Variants in NDUFAF6 observed in about 807,000 individuals in gnomAD.
NDUFAF6 encodes the protein NADH dehydrogenase (ubiquinone) complex I, assembly factor 6.
Under a neutral mutation model 40.8 loss-of-function variants are expected in NDUFAF6, and 45 were observed. That is an observed-to-expected ratio of 1.10 (90% CI 0.87 to 1.42). The LOEUF is 1.42. Ranked by LOEUF, NDUFAF6 falls within the 40% of genes most tolerant of loss-of-function variation. The pLI is 0.00. For missense variants in NDUFAF6, 435 were observed against 418.5 expected (o/e 1.04, Z -0.34); for synonymous variants, 185 against 155.9 (o/e 1.19, Z -1.39).
At chr8:95,007,534 C>T (rs954519588) in intron 2 of NDUFAF6, among the ~76,000 whole-genome samples, 11 of 151,886 alleles carry the variant, frequency 7.2e-5, no homozygotes, top group African/African-American at 2.7e-4. Context: ...CATAGTGGTG[C>T]AAGCCTGTAG....
At chr8:95,094,122 C>A (rs1215898619) in intron 2 of NDUFAF6, among the ~76,000 whole-genome samples, 1 of 152,128 alleles carries the variant, frequency 6.6e-6, no homozygotes, top group Non-Finnish European at 1.5e-5. Flanking sequence ...AGGCATGCAC[C>A]ACCACGCTTG....
chr8:95,079,567 A>T (rs1429258549), downstream of NDUFAF6, among the ~76,000 whole-genome samples: 2 of 152,344 alleles, frequency 1.3e-5, no homozygotes, highest in Middle Eastern at 3.4e-3. Flanking sequence ...TTTGAAAACC[A>T]TTGAACTAAA....
At chr8:95,054,376 C>T (rs1316506376) in intron 8 of NDUFAF6, among the ~76,000 whole-genome samples, 5 of 151,800 alleles carry the variant, frequency 3.3e-5, no homozygotes, top group African/African-American at 1.2e-4. Flanking sequence ...AGATCTTGGG[C>T]TCCCTCACAG....
chr8:94,938,745 T>C (rs1368119523), intron 1 of NDUFAF6, among the ~76,000 whole-genome samples: 2 of 152,258 alleles, frequency 1.3e-5, no homozygotes, highest in African/African-American at 4.8e-5. Flanking sequence ...CCTTGCCTTA[T>C]GCATCCCTTC....
At chr8:95,048,428 C>A in intron 6 of NDUFAF6, 29 bp from the exon 7 acceptor site, 1 of 1,513,754 alleles carries the variant, frequency 6.6e-7, no homozygotes, top group South Asian at 1.1e-5. Context: ...CTTTTAGGTT[C>A]CTAATATAAT....
At chr8:94,962,189 G>A (rs1402214873) in intron 1 of NDUFAF6, among the ~76,000 whole-genome samples, 1 of 152,218 alleles carries the variant, frequency 6.6e-6, no homozygotes, top group Non-Finnish European at 1.5e-5. Flanking sequence ...GGTACACAAT[G>A]CTCAGAGGCA....
intron 1 of NDUFAF6, among the ~76,000 whole-genome samples, chr8:94,972,387 G>A (rs1442129495): frequency 3.3e-5 from 5 of 151,986 alleles, no homozygotes; most frequent in Admixed American, 2.6e-4. Context: ...GATTACAGGC[G>A]TGCGCCACAC....
chr8:95,045,568 A>C lies in NDUFAF6; in HGVS notation c.501A>C (p.Ala167=). The C allele has an allele frequency of 4.3e-6, 7 of 1,613,386 alleles. No homozygotes were observed. The highest frequency in any genetic ancestry group is 5.9e-6 in the Non-Finnish European group (7 of 1,179,564). The change falls in exon 5 of 9, where the codon GCA becomes GCC. Residue 167 remains alanine (A), a synonymous_variant. Coordinates refer to ENST00000396124, the MANE Select transcript of NDUFAF6 (RefSeq NM_152416.4). ...AGGAAAAAAATCTGGATGACAAAGCATATCGTAATATCAAGGAACTGGAAA... is the reference window on the plus strand; with the variant it reads ...AGGAAAAAAATCTGGATGACAAAGCCTATCGTAATATCAAGGAACTGGAAA... ...DEREKNLDDK[A]YRNIKELENY...
intron 1 of NDUFAF6, among the ~76,000 whole-genome samples, chr8:94,944,616 G>C (rs948298393): frequency 1.3e-5 from 2 of 152,192 alleles, no homozygotes; most frequent in African/African-American, 4.8e-5. Context: ...AGCCAAGTGA[G>C]GGAGGAGCTC....
At chr8:94,968,657 T>A (rs1039761952) in intron 1 of NDUFAF6, among the ~76,000 whole-genome samples, 1 of 152,154 alleles carries the variant, frequency 6.6e-6, no homozygotes, top group African/African-American at 2.4e-5. Flanking sequence ...TGGTAGAGAC[T>A]TTCCTGGAAG....
chr8:94,934,521 G>T (rs989039458), intron 1 of NDUFAF6, among the ~76,000 whole-genome samples: 1 of 151,788 alleles, frequency 6.6e-6, no homozygotes, highest in Non-Finnish European at 1.5e-5. Context: ...TAGTAGCTGG[G>T]AGTACAGGCG....
intron 2 of NDUFAF6, among the ~76,000 whole-genome samples, chr8:95,032,422 A>T (rs1355103069): frequency 6.6e-6 from 1 of 152,198 alleles, no homozygotes; most frequent in Non-Finnish European, 1.5e-5. Context: ...CTTTCCAACA[A>T]TTGCATAATT....
intron 2 of NDUFAF6, among the ~76,000 whole-genome samples, chr8:95,081,461 C>T (rs528311105): frequency 6.6e-5 from 10 of 152,150 alleles, no homozygotes; most frequent in African/African-American, 2.4e-4. Context: ...TGAGCCACCG[C>T]GCCTGGCTAG....
rs577380708 is a variant in NDUFAF6 at position 95,086,751 on chromosome 8, C to G, written n.213+10999C>G. 3.9e-5 allele frequency among the ~76,000 whole-genome samples: 6 copies of G among 152,072 alleles called. No homozygotes were observed. In the East Asian group the frequency reaches 1.2e-3, roughly 29 times the overall value. On this transcript the variant is annotated intron_variant and non_coding_transcript_variant, in intron 2 of 5. Transcript: ENST00000523184. ...CGAGTAGCTGGGACCACAGGCGCCC[C>G]CCACCACGCCCGGCTAATTTTTTTT...
chr8:95,052,189 A>G lies in NDUFAF6; in HGVS notation c.832A>G (p.Lys278Glu). The G allele has an allele frequency of 6.2e-7, 1 of 1,614,172 alleles. No homozygotes were observed. Among genetic ancestry groups the G allele is most frequent in the Non-Finnish European group, 8.5e-7 (1 of 1,180,020 alleles). The change falls in exon 8 of 9, where the codon AAA (lysine) becomes GAA (glutamate). Residue 278 changes from lysine (K) to glutamate (E), a missense_variant. Transcript: ENST00000396124. ...TCCTTTTTAGGCTAGGTCCTTTCAC[A>G]AAACTGTTCCTGTGAAAGCATTTCC... ...LHLKHARSFH[K>E]TVPVKAFPAF...
At chr8:95,083,814 G>A (rs1425459186) in intron 2 of NDUFAF6, among the ~76,000 whole-genome samples, 3 of 152,104 alleles carry the variant, frequency 2.0e-5, no homozygotes, top group African/African-American at 7.2e-5. Context: ...ATTTCTAATG[G>A]AGACAAAGTC....
chr8:95,047,688 T>G (rs1830955473), intron 6 of NDUFAF6, among the ~76,000 whole-genome samples: 1 of 151,524 alleles, frequency 6.6e-6, no homozygotes, highest in South Asian at 2.1e-4. Flanking sequence ...TTTTTGTATT[T>G]TTAGTAGAGA....
intron 2 of NDUFAF6, among the ~76,000 whole-genome samples, chr8:95,005,553 A>ATATATATATAT (rs60157067): frequency 2.4e-5 from 3 of 124,356 alleles, no homozygotes; most frequent in African/African-American, 3.3e-5. Context: ...ATATATATAT[A>ATATATATATAT]AAAAATATAT....
intron 2 of NDUFAF6, among the ~76,000 whole-genome samples, chr8:94,989,728 T>C (rs1826110733): frequency 6.6e-6 from 1 of 151,984 alleles, no homozygotes; most frequent in Non-Finnish European, 1.5e-5. Flanking sequence ...GCTAAGAGAG[T>C]GATAATTCTC....
Sources: gnomAD v4.1 joint callset for allele counts (sites outside exome capture counted in the v4.1 genomes callset) on GRCh38, gnomAD v4.1.1 for gene constraint, MANE v1.5 for transcripts, NCBI Gene and HGNC (gene_info 2026-07-23, HGNC 2026-07-21) for gene names.